The following KDM6A variants were observed in gnomAD, a reference collection of about 807,000 sequenced individuals.
KDM6A encodes lysine demethylase 6A, also known as lysine-specific demethylase 6A.
KDM6A carries 11 observed loss-of-function variants against 117.6 expected under a neutral mutation model. The ratio of observed to expected loss-of-function variants is 0.09; its 90% CI spans 0.06 to 0.15. The LOEUF is 0.15. Ranked by LOEUF, KDM6A falls within the 10% of genes least tolerant of loss-of-function variation. The probability of loss-of-function intolerance (pLI) is 1.00; values close to 1 mark genes in which losing one functional copy is unlikely to be tolerated. For synonymous variants in KDM6A, 384 were observed against 396.1 expected (o/e 0.97, Z 0.36); for missense variants, 799 against 1,077.3 (o/e 0.74, Z 3.62).
intron 4 of KDM6A, among the ~76,000 whole-genome samples, chrX:45,005,242 A>T (rs1602538557): frequency 9.1e-6 from 1 of 110,242 alleles, no homozygotes; most frequent in Non-Finnish European, 1.9e-5. Flanking sequence ...GTGGAGGTGG[A>T]ATTTGGAATG....
At chrX:45,071,190 T>G (rs1459424005) in intron 18 of KDM6A, among the ~76,000 whole-genome samples, 1 of 112,483 alleles carries the variant, frequency 8.9e-6, no homozygotes, top group African/African-American at 3.2e-5. Flanking sequence ...TGTAATATTT[T>G]CTGATACATT....
At chrX:44,950,837 C>T (rs2037955882) in intron 2 of KDM6A, among the ~76,000 whole-genome samples, 1 of 110,035 alleles carries the variant, frequency 9.1e-6, no homozygotes, top group South Asian at 3.9e-4. Context: ...CCCCCTTTTT[C>T]CTTTTTCTCC....
In KDM6A at chrX:45,082,697, C is replaced by T. The variant is rs750733390; in HGVS notation, c.3366-18C>T. The T allele has an allele frequency of 5.0e-6, 6 of 1,193,265 alleles. No homozygotes were observed. Among genetic ancestry groups the T allele is most frequent in the Non-Finnish European group, 6.8e-6 (6 of 878,997 alleles). On this transcript the variant is annotated intron_variant, in intron 22 of 29. Transcript: ENST00000611820. The stretch of plus-strand genomic sequence containing the variant: ...CTTTTTAAAAGGCATGTTTCTAATA[C>T]TGTGTCTCTTTTTTAAGTTCTGGGA...
chrX:45,067,848 C>T (rs1340225409), intron 17 of KDM6A, among the ~76,000 whole-genome samples: 3 of 109,911 alleles, frequency 2.7e-5, no homozygotes, highest in African/African-American at 1.0e-4. Context: ...GACAGGGCTT[C>T]ACCATGTTGA....
intron 2 of KDM6A, among the ~76,000 whole-genome samples, chrX:44,923,716 CTGAT>C (rs779070881): frequency 6.5e-5 from 7 of 108,342 alleles, no homozygotes; most frequent in Admixed American, 3.0e-4. Context: ...TCATGCCTGG[CTGAT>C]TGATTGATTG....
At chrX:45,051,849 G>GT in intron 9 of KDM6A, 47 bp downstream of exon 9, 1 of 744,787 alleles carries the variant, frequency 1.3e-6, no homozygotes, top group Non-Finnish European at 2.1e-6. Context: ...TTCTCTTTAT[G>GT]TTTTTTCCAT....
chrX:45,007,308 A>G (rs867365542), intron 4 of KDM6A, among the ~76,000 whole-genome samples: 12 of 112,033 alleles, frequency 1.1e-4, no homozygotes, highest in African/African-American at 3.6e-4. Flanking sequence ...GGGAAATGAT[A>G]CAGTCTTGAT....
At chrX:45,071,906 G>A (rs770462931) in intron 18 of KDM6A, among the ~76,000 whole-genome samples, 4 of 110,755 alleles carry the variant, frequency 3.6e-5, no homozygotes, top group Non-Finnish European at 5.7e-5. Context: ...AAGTAGCTGG[G>A]TGGGATTACA....
chrX:45,109,676 A>G (rs940481951), intron 28 of KDM6A, among the ~76,000 whole-genome samples: 18 of 111,276 alleles, frequency 1.6e-4, no homozygotes, highest in African/African-American at 4.2e-4. Context: ...CAACTCATCA[A>G]TCTTTCTGTA....
intron 2 of KDM6A, among the ~76,000 whole-genome samples, chrX:44,947,296 T>C (rs1379263502): frequency 2.7e-5 from 3 of 111,154 alleles, no homozygotes; most frequent in Non-Finnish European, 5.7e-5. Flanking sequence ...TGGATTGTTA[T>C]TAGTTGAAGA....
intron 2 of KDM6A, among the ~76,000 whole-genome samples, chrX:44,932,098 T>G (rs1441573052): frequency 1.2e-5 from 1 of 85,998 alleles, no homozygotes; most frequent in Non-Finnish European, 2.2e-5. Context: ...TTTTTTTTTT[T>G]TTTTTTTTTT....
intron 2 of KDM6A, among the ~76,000 whole-genome samples, chrX:44,881,374 A>C (rs973243365): frequency 8.9e-6 from 1 of 111,853 alleles, no homozygotes; most frequent in African/African-American, 3.3e-5. Context: ...TGGAGATTGC[A>C]GTGAGCCGAG....
intron 4 of KDM6A, among the ~76,000 whole-genome samples, chrX:44,996,247 G>GT (rs1310206255): frequency 9.2e-6 from 1 of 109,172 alleles, no homozygotes; most frequent in African/African-American, 3.3e-5. Flanking sequence ...TAAGTTTTAA[G>GT]TTTTTTGTAG....
chrX:44,915,927 G>GA (rs1352144778), intron 2 of KDM6A, among the ~76,000 whole-genome samples: 2 of 111,283 alleles, frequency 1.8e-5, no homozygotes, highest in African/African-American at 6.5e-5. Flanking sequence ...AATAAGGAAA[G>GA]AAAAAAATCA....
At chrX:44,900,195 T>G (rs1368966528) in intron 2 of KDM6A, among the ~76,000 whole-genome samples, 1 of 112,128 alleles carries the variant, frequency 8.9e-6, no homozygotes, top group Admixed American at 9.4e-5. Context: ...TTTCAACATA[T>G]TAAGGCCAGC....
At chrX:45,101,549 G>A (rs2046341340) in intron 27 of KDM6A, among the ~76,000 whole-genome samples, 1 of 110,502 alleles carries the variant, frequency 9.0e-6, no homozygotes, top group Non-Finnish European at 1.9e-5. Flanking sequence ...GCTTTTTTGA[G>A]TAGAGATTAG....
chrX:44,995,842 G>T (rs1267789352), intron 4 of KDM6A, among the ~76,000 whole-genome samples: 1 of 111,427 alleles, frequency 9.0e-6, no homozygotes, highest in Admixed American at 9.5e-5. Context: ...TTGTGGTTCA[G>T]CAGCACGGGG....
intron 27 of KDM6A, among the ~76,000 whole-genome samples, chrX:45,092,314 T>C (rs1010446417): frequency 9.8e-5 from 11 of 111,676 alleles, no homozygotes; most frequent in Admixed American, 9.5e-4. Flanking sequence ...CTCATTACAT[T>C]ATGAGTAGAT....
chrX:44,915,976 T>C (rs1399086286), intron 2 of KDM6A, among the ~76,000 whole-genome samples: 1 of 111,567 alleles, frequency 9.0e-6, no homozygotes, highest in African/African-American at 3.3e-5. Flanking sequence ...GTGAGTACAG[T>C]GCAATACAAT....
Sources: allele counts gnomAD v4.1 joint callset (sites outside exome capture counted in the v4.1 genomes callset), GRCh38; gene constraint gnomAD v4.1.1; transcripts MANE v1.5; gene names NCBI Gene and HGNC (gene_info 2026-07-23, HGNC 2026-07-21).